Variants in CNTNAP2 observed in about 807,000 individuals in gnomAD.
The protein encoded by CNTNAP2 is contactin-associated protein-like 2.
A neutral mutation model predicts 155.2 loss-of-function variants in CNTNAP2; 98 were observed. That is an observed-to-expected ratio of 0.63 (90% CI 0.54 to 0.75). The LOEUF is 0.75. Among genes scored for constraint, CNTNAP2 ranks in the 30% least tolerant of loss-of-function variants. The probability of loss-of-function intolerance (pLI) is 0.00; values close to 1 mark genes in which losing one functional copy is unlikely to be tolerated. For missense variants in CNTNAP2, 1,727 were observed against 1,688.1 expected, an observed-to-expected ratio of 1.02 and a Z score of -0.40; for synonymous variants, 651 against 631.2, an observed-to-expected ratio of 1.03 and a Z score of -0.47.
rs1649115565 is a variant in CNTNAP2 at position 146,907,751 on chromosome 7, A to G, written c.402+67847A>G. Among the ~76,000 whole-genome samples the G allele has an allele frequency of 3.3e-5, 5 of 151,204 alleles. No individual in the cohort carries two copies. In the South Asian group the frequency reaches 1.1e-3, roughly 32 times the overall value. ...GAAGAAACTGCATCAACTAATGAGC[A>G]AAATCACCAGCTAACATCATAATGA... is the stretch of plus-strand genomic sequence containing the variant. On this transcript the variant is annotated intron_variant, in intron 3 of 23. Coordinates refer to ENST00000361727, the MANE Select transcript of CNTNAP2 (RefSeq NM_014141.6).
intron 22 of CNTNAP2, among the ~76,000 whole-genome samples, chr7:148,391,989 AATATCATTAAAATAGAT>A (rs1799361055): frequency 6.6e-6 from 1 of 152,252 alleles, no homozygotes; most frequent in African/African-American, 2.4e-5. Context: ...TCTTCTTTAA[AATATCATTAAAATAGAT>A]GAAGCATTTT....
intron 3 of CNTNAP2, among the ~76,000 whole-genome samples, chr7:146,866,409 A>G (rs1362510178): frequency 4.6e-5 from 7 of 152,144 alleles, no homozygotes. Flanking sequence ...GAGAAAGGGT[A>G]AACAGTCTTT....
chr7:147,537,930 G>C (rs565202065), intron 11 of CNTNAP2, among the ~76,000 whole-genome samples: 223 of 152,248 alleles, frequency 1.5e-3, no homozygotes, highest in African/African-American at 5.1e-3. Context: ...GTTAACTAAA[G>C]ATTCCTTGAA....
Position 147,300,165 on chromosome 7 carries a change from G to A in CNTNAP2, c.1373G>A (p.Trp458Ter). ...SSGSGLNDGQ[W>*]HEVRFLAKEN... ...GGTTCTGGGTTGAATGATGGACAGT[G>A]GCACGAGGTTCGCTTCCTAGCCAAG... is the stretch of plus-strand genomic sequence containing the variant. The change falls in exon 9 of 24, where the codon TGG becomes TAG. Residue 458 changes from tryptophan (W) to a stop codon, truncating the protein, a stop_gained. Coordinates refer to ENST00000361727, the MANE Select transcript of CNTNAP2 (RefSeq NM_014141.6). LOFTEE classifies it high-confidence loss of function. The A allele has an allele frequency of 2.5e-6, 4 of 1,614,024 alleles. No individual in the cohort carries two copies. Among genetic ancestry groups the A allele is most frequent in the Non-Finnish European group, 2.5e-6 (3 of 1,179,936 alleles).
chr7:146,121,215 G>A (rs1467883705), intron 1 of CNTNAP2, among the ~76,000 whole-genome samples: 5 of 130,720 alleles, frequency 3.8e-5, no homozygotes, highest in Non-Finnish European at 7.8e-5. Flanking sequence ...TGCAAGCTCC[G>A]CCTCCTGGGT....
intron 8 of CNTNAP2, among the ~76,000 whole-genome samples, chr7:147,200,396 A>G (rs1046875564): frequency 5.9e-5 from 9 of 152,258 alleles, no homozygotes; most frequent in African/African-American, 1.9e-4. Flanking sequence ...AGTGGACAGA[A>G]TATCAACATT....
At chr7:147,508,444 T>A (rs1294116008) in intron 11 of CNTNAP2, among the ~76,000 whole-genome samples, 1 of 152,194 alleles carries the variant, frequency 6.6e-6, no homozygotes, top group African/African-American at 2.4e-5. Flanking sequence ...CAGGTCATAC[T>A]TCAACACAGA....
chr7:147,289,098 C>A lies in CNTNAP2; in HGVS notation c.1349-11043C>A, dbSNP rs554833404. Among the ~76,000 whole-genome samples, 3 of 152,206 alleles carry A rather than the reference C, an allele frequency of 2.0e-5. No homozygotes were observed. In the South Asian group the frequency reaches 6.2e-4, roughly 32 times the overall value. On this transcript the variant is annotated intron_variant, in intron 8 of 23. Coordinates refer to ENST00000361727, the MANE Select transcript of CNTNAP2 (RefSeq NM_014141.6). ...TTCAAATTAAAATAGCTAAATATTT[C>A]TAGACCAGAAACCAGTTATGACTTA...
At chr7:146,981,802 T>G (rs1160147028) in intron 3 of CNTNAP2, among the ~76,000 whole-genome samples, 1 of 152,148 alleles carries the variant, frequency 6.6e-6, no homozygotes, top group Non-Finnish European at 1.5e-5. Flanking sequence ...ACTTTAAATA[T>G]TTTTATTTCA....
At chr7:147,101,991 C>T (rs895720560) in intron 4 of CNTNAP2, among the ~76,000 whole-genome samples, 1 of 152,042 alleles carries the variant, frequency 6.6e-6, no homozygotes, top group African/African-American at 2.4e-5. Flanking sequence ...CCTCTTGTCT[C>T]CTGTTCATAT....
At chr7:146,981,822 G>C (rs1464591541) in intron 3 of CNTNAP2, among the ~76,000 whole-genome samples, 2 of 152,130 alleles carry the variant, frequency 1.3e-5, no homozygotes, top group Admixed American at 1.3e-4. Flanking sequence ...AAATTAAGTA[G>C]ATGAAGATGG....
At chr7:146,913,994 A>C (rs548894395) in intron 3 of CNTNAP2, among the ~76,000 whole-genome samples, 8 of 152,202 alleles carry the variant, frequency 5.3e-5, no homozygotes, top group African/African-American at 1.9e-4. Context: ...TATGAGTGAG[A>C]ACATACGATA....
chr7:146,407,122 A>G (rs890268168), intron 1 of CNTNAP2, among the ~76,000 whole-genome samples: 1 of 152,170 alleles, frequency 6.6e-6, no homozygotes, highest in South Asian at 2.1e-4. Flanking sequence ...GCAACAGTAG[A>G]CACAGAATAA....
At chr7:147,454,344 A>T (rs1299018024) in intron 10 of CNTNAP2, among the ~76,000 whole-genome samples, 1 of 152,160 alleles carries the variant, frequency 6.6e-6, no homozygotes, top group East Asian at 1.9e-4. Flanking sequence ...AGCCAAGGTT[A>T]TGCATTCCTC....
At chr7:147,870,171 G>A (rs1032196959) in intron 13 of CNTNAP2, among the ~76,000 whole-genome samples, 2 of 152,128 alleles carry the variant, frequency 1.3e-5, no homozygotes, top group Admixed American at 1.3e-4. Context: ...TTATGGTATT[G>A]ATCTATGTTG....
chr7:147,346,721 A>G (rs778622390), intron 9 of CNTNAP2, among the ~76,000 whole-genome samples: 19 of 152,182 alleles, frequency 1.2e-4, no homozygotes, highest in South Asian at 4.1e-4. Context: ...TTATAGACTG[A>G]CATTTTGTTT....
At chr7:146,434,492 C>T (rs1182946630) in intron 1 of CNTNAP2, among the ~76,000 whole-genome samples, 1 of 152,042 alleles carries the variant, frequency 6.6e-6, no homozygotes, top group African/African-American at 2.4e-5. Context: ...AGTTCATAAC[C>T]CTCAACATTT....
At chr7:146,561,453 C>T (rs1798278155) in intron 1 of CNTNAP2, among the ~76,000 whole-genome samples, 2 of 151,994 alleles carry the variant, frequency 1.3e-5, no homozygotes, top group African/African-American at 4.8e-5. Context: ...CCAGGAGTTC[C>T]AGACCAGCCT....
chr7:147,247,190 T>C (rs570812802), intron 8 of CNTNAP2, among the ~76,000 whole-genome samples: 36 of 152,370 alleles, frequency 2.4e-4, no homozygotes, highest in African/African-American at 8.2e-4. Context: ...AATTTCTTGT[T>C]ATTTGAATTT....
Sources: gnomAD v4.1 joint callset for allele counts (sites outside exome capture counted in the v4.1 genomes callset) on GRCh38, gnomAD v4.1.1 for gene constraint, MANE v1.5 for transcripts, NCBI Gene and HGNC (gene_info 2026-07-23, HGNC 2026-07-21) for gene names.